The following ATXN1 variants were observed in gnomAD, a reference collection of about 807,000 sequenced individuals.
ATXN1 encodes ataxin 1, also known as ataxin-1.
ATXN1 carries 8 observed loss-of-function variants against 56.4 expected under a neutral mutation model. The ratio of observed to expected loss-of-function variants is 0.14; its 90% CI spans 0.08 to 0.26. The LOEUF is 0.26. Among genes scored for constraint, ATXN1 ranks in the 10% least tolerant of loss-of-function variants. The pLI is 1.00. For synonymous variants in ATXN1, 514 were observed against 494.6 expected (o/e 1.04, Z -0.52); for missense variants, 987 against 1,106.5 (o/e 0.89, Z 1.53).
At chr6:16,381,702 G>A (rs958317915) in intron 6 of ATXN1, among the ~76,000 whole-genome samples, 1 of 152,152 alleles carries the variant, frequency 6.6e-6, no homozygotes, top group South Asian at 2.1e-4. Flanking sequence ...GTTAAGACAG[G>A]TGCCTTACAC....
chr6:16,464,347 GA>G (rs370922873), intron 6 of ATXN1, among the ~76,000 whole-genome samples: 2 of 151,874 alleles, frequency 1.3e-5, no homozygotes, highest in African/African-American at 2.4e-5. Flanking sequence ...AGGGAGGATT[GA>G]AAAAAAGGGC....
intron 6 of ATXN1, among the ~76,000 whole-genome samples, chr6:16,480,154 C>CAAAAAA (rs60209783): frequency 1.0e-4 from 8 of 79,102 alleles, no homozygotes; most frequent in Non-Finnish European, 1.5e-4. Flanking sequence ...ACTTCATCTG[C>CAAAAAA]AAAAAAAAAA....
At chr6:16,427,215 C>CTG (rs1430418687) in intron 6 of ATXN1, among the ~76,000 whole-genome samples, 1 of 152,148 alleles carries the variant, frequency 6.6e-6, no homozygotes, top group Non-Finnish European at 1.5e-5. Flanking sequence ...AGCCTTGGCA[C>CTG]TGTTGACATC....
At chr6:16,511,600 G>C (rs1041050751) in intron 5 of ATXN1, among the ~76,000 whole-genome samples, 1 of 151,974 alleles carries the variant, frequency 6.6e-6, no homozygotes, top group Non-Finnish European at 1.5e-5. Context: ...CAACAAGTCC[G>C]AAACCTCCAA....
intron 4 of ATXN1, among the ~76,000 whole-genome samples, chr6:16,524,672 G>T (rs1039159002): frequency 6.6e-6 from 1 of 152,172 alleles, no homozygotes; most frequent in African/African-American, 2.4e-5. Context: ...AAAACAAAAA[G>T]GCATTATCAC....
intron 6 of ATXN1, among the ~76,000 whole-genome samples, chr6:16,344,529 C>G (rs1761334997): frequency 6.6e-6 from 1 of 152,210 alleles, no homozygotes; most frequent in Non-Finnish European, 1.5e-5. Flanking sequence ...TGGCCTTCAT[C>G]TTTTTCTCGT....
At chr6:16,457,923 C>T (rs577559279) in intron 6 of ATXN1, among the ~76,000 whole-genome samples, 1 of 152,110 alleles carries the variant, frequency 6.6e-6, no homozygotes, top group Non-Finnish European at 1.5e-5. Context: ...CAACATGGGA[C>T]CTTCTCTCTC....
intron 2 of ATXN1, among the ~76,000 whole-genome samples, chr6:16,660,381 AG>A (rs1758291289): frequency 6.6e-6 from 1 of 152,222 alleles, no homozygotes; most frequent in Non-Finnish European, 1.5e-5. Flanking sequence ...CTCACTCCAG[AG>A]GGTTTTCCAA....
intron 3 of ATXN1, among the ~76,000 whole-genome samples, chr6:16,638,087 T>A (rs1236790150): frequency 3.3e-5 from 5 of 152,094 alleles, no homozygotes; most frequent in Non-Finnish European, 7.4e-5. Flanking sequence ...GTCTGTGAGG[T>A]CTGCAGTTTA....
chr6:16,448,552 C>T (rs578170973), intron 6 of ATXN1, among the ~76,000 whole-genome samples: 1 of 152,118 alleles, frequency 6.6e-6, no homozygotes, highest in Admixed American at 6.6e-5. Flanking sequence ...TTTGTATCAC[C>T]CATTAACTGA....
intron 2 of ATXN1, among the ~76,000 whole-genome samples, chr6:16,736,588 T>C (rs1760142519): frequency 6.6e-6 from 1 of 152,252 alleles, no homozygotes; most frequent in Non-Finnish European, 1.5e-5. Flanking sequence ...AGATACTGAT[T>C]ACTCACAAGA....
intron 2 of ATXN1, among the ~76,000 whole-genome samples, chr6:16,715,337 T>A (rs1233331730): frequency 1.3e-5 from 2 of 152,236 alleles, no homozygotes; most frequent in African/African-American, 4.8e-5. Flanking sequence ...TGAGGTATGT[T>A]AAATAACTTG....
In ATXN1 at chr6:16,327,741, C is replaced by G. The variant is rs745503316; in HGVS notation, c.570G>C (p.Thr190=). The change falls in exon 7 of 8, where the codon ACG becomes ACC. Residue 190 remains threonine, a synonymous_variant. Coordinates refer to ENST00000436367, the MANE Select transcript of ATXN1 (RefSeq NM_001128164.2). ...GCTGCTGCTCAGCCTTGTGTCCCGG[C>G]GTCTGGCTCAGACTGCCCATGTTGG... ...LLANMGSLSQ[T]PGHKAEQQQQ... The G allele has an allele frequency of 6.2e-7, 1 of 1,607,504 alleles. No individual in the cohort carries two copies. The highest frequency in any genetic ancestry group is 1.1e-5 in the South Asian group (1 of 91,048).
At position 16,328,804 on chromosome 6, in the gene ATXN1, G is replaced by A. The variant is rs1419495811; in HGVS notation, c.-160-334C>T. 2.0e-5 allele frequency among the ~76,000 whole-genome samples: 3 copies of A among 152,174 alleles called. No individual in the cohort carries two copies. The highest frequency in any genetic ancestry group is 4.4e-5 in the Non-Finnish European group (3 of 68,020). The stretch of plus-strand genomic sequence containing the variant: ...GTGTAACATTAGCTGGCACACGGCT[G>A]TAGTCCCAGCTACTTGAGAGGCTGA... On this transcript the variant is annotated intron_variant, in intron 6 of 7. Transcript: ENST00000436367. This position sits in a 1 kb window ranked among gnomAD's most constrained non-coding sequence, Gnocchi z 6.2.
intron 6 of ATXN1, among the ~76,000 whole-genome samples, chr6:16,448,184 T>C (rs1473497161): frequency 6.6e-6 from 1 of 152,186 alleles, no homozygotes; most frequent in African/African-American, 2.4e-5. Flanking sequence ...CTCCTCCCTA[T>C]GTTCTGCTCC....
At chr6:16,629,397 G>A (rs1003723970) in intron 3 of ATXN1, among the ~76,000 whole-genome samples, 1 of 152,000 alleles carries the variant, frequency 6.6e-6, no homozygotes, top group African/African-American at 2.4e-5. Context: ...GTGCAATCTC[G>A]GCTCACTGCA....
At chr6:16,480,974 C>G (rs1029850726) in intron 6 of ATXN1, among the ~76,000 whole-genome samples, 1 of 152,038 alleles carries the variant, frequency 6.6e-6, no homozygotes, top group Non-Finnish European at 1.5e-5. Flanking sequence ...GCCAAAGGTG[C>G]CCATCCCAAA....
chr6:16,676,862 C>T (rs1324650863), intron 2 of ATXN1, among the ~76,000 whole-genome samples: 1 of 151,856 alleles, frequency 6.6e-6, no homozygotes, highest in Non-Finnish European at 1.5e-5. Flanking sequence ...ACATCAACAC[C>T]AATCACTTTT....
chr6:16,594,185 C>A (rs1460520022), intron 3 of ATXN1, among the ~76,000 whole-genome samples: 1 of 148,734 alleles, frequency 6.7e-6, no homozygotes, highest in African/African-American at 2.5e-5. Flanking sequence ...TGTTGACGAC[C>A]TTTAAAATTT....
Sources: allele counts gnomAD v4.1 joint callset (sites outside exome capture counted in the v4.1 genomes callset), GRCh38; gene constraint gnomAD v4.1.1; non-coding constraint Gnocchi (gnomAD v3.1); transcripts MANE v1.5; gene names NCBI Gene and HGNC (gene_info 2026-07-23, HGNC 2026-07-21).